Variants in SNTG1 observed in about 807,000 individuals in gnomAD.
SNTG1 encodes the protein syntrophin gamma 1.
Under a neutral mutation model 74.7 loss-of-function variants are expected in SNTG1, and 39 were observed. The ratio of observed to expected loss-of-function variants is 0.52; its 90% CI spans 0.40 to 0.68. SNTG1 has a LOEUF of 0.68. SNTG1 is among the 30% of genes least tolerant of loss of function. The probability of loss-of-function intolerance (pLI) is 0.00; values close to 1 mark genes in which losing one functional copy is unlikely to be tolerated. For missense variants in SNTG1, 685 were observed against 609.5 expected, an observed-to-expected ratio of 1.12 and a Z score of -1.30; for synonymous variants, 254 against 217.1, an observed-to-expected ratio of 1.17 and a Z score of -1.49.
At chr8:50,240,970 C>T (rs773824647) in intron 2 of SNTG1, among the ~76,000 whole-genome samples, 6 of 151,980 alleles carry the variant, frequency 3.9e-5, no homozygotes, top group Non-Finnish European at 7.4e-5. Context: ...AGAAAGGTAG[C>T]CTTAATGTAA....
chr8:49,947,812 T>C (rs1447639786), intron 1 of SNTG1, among the ~76,000 whole-genome samples: 1 of 152,220 alleles, frequency 6.6e-6, no homozygotes, highest in Admixed American at 6.5e-5. Context: ...GTTTTGACTC[T>C]ATTAAGGCTC....
chr8:49,960,573 T>C (rs979785108), intron 1 of SNTG1, among the ~76,000 whole-genome samples: 4 of 152,094 alleles, frequency 2.6e-5, no homozygotes, highest in African/African-American at 9.7e-5. Context: ...ATATCTAGGG[T>C]GCCTTATAGC....
chr8:50,079,173 C>A (rs1415185126), intron 1 of SNTG1, among the ~76,000 whole-genome samples: 1 of 152,184 alleles, frequency 6.6e-6, no homozygotes, highest in African/African-American at 2.4e-5. Context: ...ACACTCCCAC[C>A]AACAATGTAA....
At chr8:50,178,505 A>C (rs747763174) in intron 2 of SNTG1, among the ~76,000 whole-genome samples, 2 of 152,148 alleles carry the variant, frequency 1.3e-5, no homozygotes, top group Non-Finnish European at 2.9e-5. Context: ...GCCATTATAG[A>C]CAATACTAAT....
At chr8:50,064,963 T>C (rs1820782946) in intron 1 of SNTG1, among the ~76,000 whole-genome samples, 1 of 152,212 alleles carries the variant, frequency 6.6e-6, no homozygotes, top group African/African-American at 2.4e-5. Context: ...TGTTAAAATA[T>C]GGATTCCCTT....
intron 18 of SNTG1, among the ~76,000 whole-genome samples, chr8:50,756,908 T>C (rs1296462630): frequency 6.6e-6 from 1 of 151,830 alleles, no homozygotes; most frequent in Non-Finnish European, 1.5e-5. Flanking sequence ...ATATAAAATA[T>C]ATTCCATTTA....
At chr8:50,792,304 A>C (rs190782244) in intron 18 of SNTG1, among the ~76,000 whole-genome samples, 2 of 151,888 alleles carry the variant, frequency 1.3e-5, no homozygotes, top group East Asian at 3.9e-4. Context: ...ATCCATATTT[A>C]TCATCTGATG....
chr8:50,215,112 G>A (rs370677768), intron 2 of SNTG1, among the ~76,000 whole-genome samples: 40 of 152,136 alleles, frequency 2.6e-4, no homozygotes, highest in Admixed American at 6.5e-4. Context: ...CACCAGTCCC[G>A]GAAGATCATT....
chr8:50,722,150 GTA>G (rs574798069), intron 17 of SNTG1, among the ~76,000 whole-genome samples: 2 of 150,834 alleles, frequency 1.3e-5, no homozygotes, highest in African/African-American at 4.9e-5. Context: ...ATACATATGT[GTA>G]TATATATATA....
chr8:50,120,501 TTACTGCAATCACCA>T (rs2080961044), intron 1 of SNTG1, among the ~76,000 whole-genome samples: 1 of 139,852 alleles, frequency 7.2e-6, no homozygotes, highest in African/African-American at 2.6e-5. Context: ...CTATCCAACA[TTACTGCAATCACCA>T]ATACTGCCAT....
chr8:50,098,921 C>A (rs968953090), intron 1 of SNTG1, among the ~76,000 whole-genome samples: 3 of 152,048 alleles, frequency 2.0e-5, no homozygotes, highest in South Asian at 2.1e-4. Flanking sequence ...AAATAGTGAA[C>A]AAATCACACT....
At chr8:50,152,287 G>T (rs2082095293) in intron 1 of SNTG1, among the ~76,000 whole-genome samples, 1 of 151,814 alleles carries the variant, frequency 6.6e-6, no homozygotes, top group African/African-American at 2.4e-5. Context: ...TCTTTATTTT[G>T]AGCCTATGTG....
intron 2 of SNTG1, among the ~76,000 whole-genome samples, chr8:50,309,303 T>A (rs1312940832): frequency 6.6e-6 from 1 of 152,116 alleles, no homozygotes; most frequent in Non-Finnish European, 1.5e-5. Flanking sequence ...TACTCTTTTC[T>A]CTCAGGTTTT....
intron 13 of SNTG1, among the ~76,000 whole-genome samples, chr8:50,600,116 G>A (rs1244123848): frequency 2.0e-5 from 3 of 152,082 alleles, no homozygotes; most frequent in Admixed American, 2.0e-4. Context: ...ATTGATTTGT[G>A]TATGTTAAAC....
intron 4 of SNTG1, among the ~76,000 whole-genome samples, chr8:50,411,548 G>A (rs1035871277): frequency 4.6e-5 from 7 of 151,974 alleles, no homozygotes; most frequent in African/African-American, 1.7e-4. Context: ...ACTTGCAGAT[G>A]GGCAAGTACT....
chr8:50,095,671 G>T lies in SNTG1; in HGVS notation c.-102-76890G>T, dbSNP rs11988262. Among the ~76,000 whole-genome samples, 71 of 152,198 alleles carry T rather than the reference G, an allele frequency of 4.7e-4. 1 individual carries two copies. Among genetic ancestry groups the T allele is most frequent in the African/African-American group, 1.5e-3 (61 of 41,516 alleles). On this transcript the variant is annotated intron_variant, in intron 1 of 18. Transcript: ENST00000642720. Reference sequence around the variant, plus strand: ...TGACATGCCCTTAATATTCAGAAAAGAATGTACAGAAATGTTGTACTAGAA... The same window carrying T: ...TGACATGCCCTTAATATTCAGAAAATAATGTACAGAAATGTTGTACTAGAA...
intron 13 of SNTG1, among the ~76,000 whole-genome samples, chr8:50,612,178 C>T (rs961325804): frequency 1.3e-5 from 2 of 152,308 alleles, no homozygotes; most frequent in Admixed American, 1.3e-4. Context: ...TTGTAATCAC[C>T]TTGTCAACCT....
intron 1 of SNTG1, among the ~76,000 whole-genome samples, chr8:49,978,871 T>C (rs1308619685): frequency 6.6e-6 from 1 of 152,182 alleles, no homozygotes; most frequent in Non-Finnish European, 1.5e-5. Context: ...AATTATTAGC[T>C]GACTTCGGGA....
intron 9 of SNTG1, among the ~76,000 whole-genome samples, chr8:50,521,794 C>A (rs1236254193): frequency 1.3e-5 from 2 of 152,110 alleles, no homozygotes; most frequent in African/African-American, 4.8e-5. Flanking sequence ...GAGTCCATCT[C>A]AAGAAAACAC....
Sources: allele counts gnomAD v4.1 joint callset (sites outside exome capture counted in the v4.1 genomes callset), GRCh38; gene constraint gnomAD v4.1.1; transcripts MANE v1.5; gene names NCBI Gene and HGNC (gene_info 2026-07-23, HGNC 2026-07-21).